Variants in TMEM275 observed in about 807,000 individuals in gnomAD.
TMEM275 encodes the protein transmembrane protein 275.
rs1456685560 is a variant in TMEM275, at chr1:46,533,915, A to G, written c.-123-265T>C. On this transcript the variant is annotated intron_variant, in intron 1 of 1. Coordinates refer to ENST00000634804, the Ensembl canonical transcript of TMEM275. The surrounding 1 kb of genome is among the most constrained non-coding windows in gnomAD (Gnocchi z 4.4). ...CCTCCAAACAGACGCTGCCCCTCCA[A>G]CCCCTCTCCTCCAGGAAGCCTACCT... Among the ~76,000 whole-genome samples, 3 of 151,490 alleles carry G rather than the reference A, an allele frequency of 2.0e-5. No individual in the cohort carries two copies. In the East Asian group the frequency reaches 5.8e-4, roughly 29 times the overall value.
chr1:46,533,470 G>T lies in TMEM275; in HGVS notation c.58C>A (p.Arg20=), dbSNP rs931661609. ...GACGGCAGGCCGGGCACCCGGCCCC[G>T]GGCGCGTTCCGCGGGCGCCGGGACC... is the stretch of plus-strand genomic sequence containing the variant. The change falls in exon 2 of 2, where the codon CGG becomes AGG. Residue 20 remains arginine (R), a synonymous_variant. Transcript: ENST00000634804. The surrounding 1 kb of genome is among the most constrained non-coding windows in gnomAD (Gnocchi z 4.4). 3 of 387,550 alleles carry T rather than the reference G, an allele frequency of 7.7e-6. No homozygotes were observed. The highest frequency in any genetic ancestry group is 1.4e-5 in the Non-Finnish European group (3 of 218,980). The allele number at this position is 387,550 out of a possible 1,614,324, so 24.0% of individuals were successfully genotyped here.
chr1:46,534,337 G>A (rs997547263), intron 1 of TMEM275, among the ~76,000 whole-genome samples, 118 bp downstream of exon 2: 1 of 152,174 alleles, frequency 6.6e-6, no homozygotes, highest in Non-Finnish European at 1.5e-5. Flanking sequence ...AGGAGCTCCT[G>A]ATGGTTCAGA....
Position 46,533,469 on chromosome 1 carries a change from C to G in TMEM275, c.59G>C (p.Arg20Pro), listed in dbSNP as rs923157443. The G allele has an allele frequency of 7.7e-6, 3 of 387,340 alleles. No homozygotes were observed. Among genetic ancestry groups the G allele is most frequent in the Non-Finnish European group, 1.4e-5 (3 of 218,868 alleles). 24.0% of individuals were successfully genotyped at this position (387,340 alleles called of 1,614,324 possible). The change falls in exon 2 of 2, where the codon CGG becomes CCG. Residue 20 changes from arginine to proline, a missense_variant. Arg to Pro is a moderately radical substitution (Grantham distance 103, BLOSUM62 -2). Coordinates refer to ENST00000634804, the Ensembl canonical transcript of TMEM275. This position sits in a 1 kb window ranked among gnomAD's most constrained non-coding sequence, Gnocchi z 4.4. ...CGACGGCAGGCCGGGCACCCGGCCC[C>G]GGGCGCGTTCCGCGGGCGCCGGGAC...
chr1:46,533,010 G>T lies in TMEM275; in HGVS notation c.518C>A (p.Ala173Glu), dbSNP rs1666686166. 2 of 396,292 alleles carry T rather than the reference G, an allele frequency of 5.0e-6. No homozygotes were observed. Among genetic ancestry groups the T allele is most frequent in the Non-Finnish European group, 8.9e-6 (2 of 224,602 alleles). 24.5% of individuals were successfully genotyped at this position (396,292 alleles called of 1,614,324 possible). A position where few individuals can be genotyped will look rare whatever the true frequency, so the allele number is the denominator to read the frequency against. The change falls in exon 2 of 2, where the codon GCG becomes GAG. Residue 173 changes from alanine (A) to glutamate (E), a missense_variant. Coordinates refer to ENST00000634804, the Ensembl canonical transcript of TMEM275. The surrounding 1 kb of genome is among the most constrained non-coding windows in gnomAD (Gnocchi z 4.4). ...CCTGGTCCGCTAGGGGGCGGCGCGC[G>T]CCCGGGGTGGGTTGAGCTGGACTCC...
intron 1 of TMEM275, among the ~76,000 whole-genome samples, 190 bp from the exon 2 acceptor site, chr1:46,534,773 T>C (rs1377932507): frequency 6.6e-6 from 1 of 151,950 alleles, no homozygotes; most frequent in African/African-American, 2.4e-5. Context: ...TGGATGGGGA[T>C]GAAAGGGAAG....
In TMEM275 at chr1:46,533,618, T is replaced by C; in HGVS notation, c.-91A>G. On this transcript the variant is annotated 5_prime_UTR_variant, in exon 2 of 2. Coordinates refer to ENST00000634804, the Ensembl canonical transcript of TMEM275. This position sits in a 1 kb window ranked among gnomAD's most constrained non-coding sequence, Gnocchi z 4.4. ...CAGGAGCCTCCTCACGCTGGTCCTG[T>C]GGGCAACTGCCAGGAGCCTCCTCAC... The C allele has an allele frequency of 2.7e-6, 1 of 367,808 alleles. No individual in the cohort carries two copies. 22.8% of individuals were successfully genotyped at this position (367,808 alleles called of 1,614,324 possible).
chr1:46,533,615 C>A lies in TMEM275; in HGVS notation c.-88G>T. ...TGCCAGGAGCCTCCTCACGCTGGTC[C>A]TGTGGGCAACTGCCAGGAGCCTCCT... is the stretch of plus-strand genomic sequence containing the variant. On this transcript the variant is annotated 5_prime_UTR_variant, in exon 2 of 2. In the 5' UTR this introduces an upstream ATG that the reference lacks. Transcript: ENST00000634804. The surrounding 1 kb of genome is among the most constrained non-coding windows in gnomAD (Gnocchi z 4.4). The A allele has an allele frequency of 2.7e-6, 1 of 367,882 alleles. No homozygotes were observed. The highest frequency in any genetic ancestry group is 3.9e-5 in the East Asian group (1 of 25,348). The allele number at this position is 367,882 out of a possible 1,614,324, so 22.8% of individuals were successfully genotyped here.
Position 46,533,326 on chromosome 1 carries a change from C to G in TMEM275, c.202G>C (p.Ala68Pro). The G allele has an allele frequency of 2.7e-6, 1 of 372,196 alleles. No homozygotes were observed. Among genetic ancestry groups the G allele is most frequent in the Non-Finnish European group, 4.8e-6 (1 of 209,044 alleles). The allele number at this position is 372,196 out of a possible 1,614,324, so 23.1% of individuals were successfully genotyped here. Residue 68 changes from alanine to proline, a missense_variant, in exon 2 of 2, where the codon GCG becomes CCG. Physicochemically the swap from Ala to Pro is conservative, Grantham distance 27. Transcript: ENST00000634804. This position sits in a 1 kb window ranked among gnomAD's most constrained non-coding sequence, Gnocchi z 4.4. ...AAGCCGAGCGCCAGCACCAGCAGCG[C>G]CAGCCCCACGACGAGCAGCGCGTTG...
At chr1:46,534,145 T>G in intron 1 of TMEM275, among the ~76,000 whole-genome samples, 104 bp from the exon 3 acceptor site, 1 of 126,736 alleles carries the variant, frequency 7.9e-6, no homozygotes, top group African/African-American at 3.0e-5. Flanking sequence ...CACCCCCTTA[T>G]TCAGATGAAG....
chr1:46,533,578 G>T lies in TMEM275; in HGVS notation c.-51C>A, dbSNP rs577154798. ...CAAGCTCCCTCCTGCCGCCGGCCCG[G>T]AACAGCCCAACTGCCAGGAGCCTCC... On this transcript the variant is annotated 5_prime_UTR_variant, in exon 2 of 2. Transcript: ENST00000634804. The surrounding 1 kb of genome is among the most constrained non-coding windows in gnomAD (Gnocchi z 4.4). 1.5e-4 allele frequency: 59 copies of T among 385,150 alleles called. 2 individuals are homozygous for T. In the South Asian group the frequency reaches 7.6e-3, roughly 50 times the overall value. 23.9% of individuals were successfully genotyped at this position (385,150 alleles called of 1,614,324 possible).
intron 1 of TMEM275, among the ~76,000 whole-genome samples, chr1:46,534,530 C>T (rs149899026): frequency 6.6e-6 from 1 of 152,286 alleles, no homozygotes; most frequent in African/African-American, 2.4e-5. Context: ...GAATTCCTTT[C>T]TAGGATTCTC....
At chr1:46,534,243 C>T (rs887997238) in intron 1 of TMEM275, among the ~76,000 whole-genome samples, 2 of 152,020 alleles carry the variant, frequency 1.3e-5, no homozygotes, top group East Asian at 1.9e-4. Flanking sequence ...AGTATCCCCA[C>T]CCTAGACTCC....
rs1666695854 is a variant in TMEM275 at position 46,533,376 on chromosome 1, G to A, written c.152C>T (p.Ala51Val). The A allele has an allele frequency of 2.6e-6, 1 of 378,076 alleles. No individual in the cohort carries two copies. The highest frequency in any genetic ancestry group is 2.1e-5 in the African/African-American group (1 of 47,650). 23.4% of individuals were successfully genotyped at this position (378,076 alleles called of 1,614,324 possible). The stretch of plus-strand genomic sequence containing the variant: ...GTGCTCGGGCAAGAAGGAGGCGAAG[G>A]CGCCTGCCAGCGTCACGTTCACGCC... Residue 51 changes from alanine (A) to valine (V), a missense_variant, in exon 2 of 2, where the codon GCC (alanine) becomes GTC (valine). Ala to Val is a moderately conservative substitution (Grantham distance 64). Transcript: ENST00000634804. The surrounding 1 kb of genome is among the most constrained non-coding windows in gnomAD (Gnocchi z 4.4).
chr1:46,534,384 C>T (rs958178155), intron 1 of TMEM275, among the ~76,000 whole-genome samples, 71 bp downstream of exon 2: 1 of 152,144 alleles, frequency 6.6e-6, no homozygotes, highest in Non-Finnish European at 1.5e-5. Flanking sequence ...CATCGGCTGG[C>T]TTGGGCTGGA....
At position 46,533,297 on chromosome 1, in the gene TMEM275, G is replaced by C. The variant is rs1666693995; in HGVS notation, c.231C>G (p.Phe77Leu). 3 of 363,616 alleles carry C rather than the reference G, an allele frequency of 8.3e-6. No individual in the cohort carries two copies. The East Asian group carries it at 1.2e-4, about 15-fold the overall frequency. 22.5% of individuals were successfully genotyped at this position (363,616 alleles called of 1,614,324 possible). The change falls in exon 2 of 2, where the codon TTC becomes TTG. Residue 77 changes from phenylalanine (F) to leucine (L), a missense_variant. Physicochemically the swap from Phe to Leu is conservative, Grantham distance 22 (BLOSUM62 0). Coordinates refer to ENST00000634804, the Ensembl canonical transcript of TMEM275. The surrounding 1 kb of genome is among the most constrained non-coding windows in gnomAD (Gnocchi z 4.4). ...GGCGGCTACACACGCAGCAGGCCGC[G>C]AAGAAGCCGAGCGCCAGCACCAGCA...
rs1361143853 is a variant in TMEM275, at chr1:46,533,370, G to A, written c.158C>T (p.Ala53Val). ...CGCGTTGTGCTCGGGCAAGAAGGAG[G>A]CGAAGGCGCCTGCCAGCGTCACGTT... is the stretch of plus-strand genomic sequence containing the variant. The change falls in exon 2 of 2, where the codon GCC becomes GTC. Residue 53 changes from alanine to valine, a missense_variant. By Grantham distance (64) the Ala-to-Val change is moderately conservative (BLOSUM62 0). Transcript: ENST00000634804. This position sits in a 1 kb window ranked among gnomAD's most constrained non-coding sequence, Gnocchi z 4.4. The A allele has an allele frequency of 2.6e-6, 1 of 378,048 alleles. No homozygotes were observed. Among genetic ancestry groups the A allele is most frequent in the African/African-American group, 2.1e-5 (1 of 47,640 alleles). 23.4% of individuals were successfully genotyped at this position (378,048 alleles called of 1,614,324 possible).
chr1:46,532,171 CA>C (rs904635130), exon 2 of TMEM275: 2 of 152,266 alleles, frequency 1.3e-5, no homozygotes, highest in African/African-American at 4.8e-5. Context: ...GGACTGACTC[CA>C]AAGGTGCTTT....
At chr1:46,532,366 AG>A (rs1666678866) in exon 2 of TMEM275, 1 of 152,274 alleles carries the variant, frequency 6.6e-6, no homozygotes, top group Admixed American at 6.5e-5. Flanking sequence ...AAGGGTGGGG[AG>A]TGCTCACCCC....
intron 1 of TMEM275, among the ~76,000 whole-genome samples, 193 bp downstream of exon 1, chr1:46,534,918 C>T (rs1255495994): frequency 6.6e-6 from 1 of 152,106 alleles, no homozygotes; most frequent in Non-Finnish European, 1.5e-5. Context: ...TAGAACCCAC[C>T]TCATAGGGTA....
Sources: gnomAD v4.1 joint callset for allele counts (sites outside exome capture counted in the v4.1 genomes callset) on GRCh38, gnomAD v4.1.1 for gene constraint, Gnocchi (gnomAD v3.1) non-coding constraint, MANE v1.5 for transcripts, NCBI Gene and HGNC (gene_info 2026-07-23, HGNC 2026-07-21) for gene names.